RASAL1: variants seen among roughly 807,000 people sequenced by gnomAD.
RASAL1 encodes rasGAP-activating-like protein 1.
RASAL1 carries 72 observed loss-of-function variants against 96.6 expected under a neutral mutation model. The observed-to-expected ratio is 0.75, with a 90% confidence interval of 0.62 to 0.91. The LOEUF is 0.91. Among genes scored for constraint, RASAL1 ranks in the 40% least tolerant of loss-of-function variants. The pLI, the probability that RASAL1 is intolerant of heterozygous loss-of-function variation, is 0.00. For missense variants in RASAL1, 1,016 were observed against 1,072.5 expected, an observed-to-expected ratio of 0.95 and a Z score of 0.74; for synonymous variants, 405 against 430.4, an observed-to-expected ratio of 0.94 and a Z score of 0.73.
In RASAL1 at chr12:113,103,992, G is replaced by A. The variant is rs1402639419; in HGVS notation, c.2058C>T (p.Ala686=). The change falls in exon 18 of 21, where the codon GCC becomes GCT. Residue 686 remains alanine (A), a synonymous_variant. Transcript: ENST00000548055. ...PNKLAACHPG[A]FRSARWTCCL... Reference sequence around the variant, plus strand: ...AGCAGGTCCAGCGCGCGCTGCGGAAGGCACCGGGGTGGCAGGCGGCCAGCT... The same window carrying A: ...AGCAGGTCCAGCGCGCGCTGCGGAAAGCACCGGGGTGGCAGGCGGCCAGCT... 1 of 1,570,898 alleles carries A rather than the reference G, an allele frequency of 6.4e-7. No homozygotes were observed. Among genetic ancestry groups the A allele is most frequent in the South Asian group, 1.2e-5 (1 of 86,066 alleles).
intron 1 of RASAL1, among the ~76,000 whole-genome samples, chr12:113,132,991 C>T (rs1297774311): frequency 6.6e-6 from 1 of 152,158 alleles, no homozygotes; most frequent in Non-Finnish European, 1.5e-5. Flanking sequence ...AGTTTCCTTC[C>T]CTGGGTTCTC....
At position 113,104,293 on chromosome 12, in the gene RASAL1, A is replaced by G. The variant is rs12423570; in HGVS notation, c.1836T>C (p.Cys612=). 217,974 of 1,564,816 alleles carry G rather than the reference A, an allele frequency of 0.14. 16,623 individuals carry two copies. The highest frequency in any genetic ancestry group is 0.17 in the Middle Eastern group (993 of 6,008). Residue 612 remains cysteine, a synonymous_variant, in exon 17 of 21, where the codon TGT becomes TGC. Transcript: ENST00000548055. ...GGATGTGAGACACGGGGATGGAGTG[A>G]CACATCTGGGGAAGAGGATTGTCGC... The part of the protein sequence containing the change: ...SFSKSPEWQM[C]HSIPVSHIRA...
rs368169508 is a variant in RASAL1 at position 113,104,091 on chromosome 12, G to A, written c.1969-10C>T. 1.3e-6 allele frequency: 2 copies of A among 1,577,116 alleles called. No homozygotes were observed. Among genetic ancestry groups the A allele is most frequent in the African/African-American group, 2.7e-5 (2 of 74,402 alleles). On this transcript the variant is annotated splice_polypyrimidine_tract_variant and intron_variant, in intron 17 of 20. Transcript: ENST00000548055. ...TGAGCTCATTCACATTCTGCAGCGG[G>A]TGGGAGGCGATCAGGGGGCGGGTGG...
intron 1 of RASAL1, among the ~76,000 whole-genome samples, chr12:113,131,944 A>G (rs1292189470): frequency 7.0e-6 from 1 of 141,924 alleles, no homozygotes; most frequent in Admixed American, 7.0e-5. Flanking sequence ...ACCTAAAATC[A>G]TCTTCTTTCT....
intron 18 of RASAL1, chr12:113,103,034 C>A: frequency 3.3e-6 from 1 of 306,130 alleles, no homozygotes; most frequent in South Asian, 2.7e-5. Context: ...TCCTTGAGTC[C>A]CCATCCTGAG....
At chr12:113,133,186 G>C (rs576402323) in intron 1 of RASAL1, among the ~76,000 whole-genome samples, 6 of 152,304 alleles carry the variant, frequency 3.9e-5, no homozygotes, top group Admixed American at 2.6e-4. Context: ...GGGCTCTGAC[G>C]CATGAGGGCC....
At chr12:113,114,745 C>A in intron 12 of RASAL1, 55 bp downstream of exon 12, 1 of 1,482,284 alleles carries the variant, frequency 6.7e-7, no homozygotes, top group South Asian at 1.1e-5. Context: ...CCAGACAAGG[C>A]TCCGGGTAGC....
intron 19 of RASAL1, 22 bp downstream of exon 19, chr12:113,101,867 T>A (rs1950459191): frequency 1.9e-6 from 3 of 1,608,784 alleles, no homozygotes; most frequent in Non-Finnish European, 2.5e-6. Context: ...GGAGGTGAAG[T>A]GGGATGGGTG....
intron 16 of RASAL1, 28 bp from the exon 17 acceptor site, chr12:113,104,326 T>C (rs758923002): frequency 6.5e-7 from 1 of 1,531,942 alleles, no homozygotes; most frequent in Admixed American, 2.0e-5. Flanking sequence ...CGCTGCAGGA[T>C]GGGCTGGGGG....
At chr12:113,112,337 C>T (rs981694823) in intron 12 of RASAL1, 59 bp from the exon 13 acceptor site, 66 of 1,217,480 alleles carry the variant, frequency 5.4e-5, no homozygotes, top group Middle Eastern at 4.3e-4. Flanking sequence ...GCTCCAAACC[C>T]TCCACCGGCC....
intron 15 of RASAL1, among the ~76,000 whole-genome samples, chr12:113,106,843 T>C (rs1950664012): frequency 6.6e-6 from 1 of 152,188 alleles, no homozygotes; most frequent in South Asian, 2.1e-4. Flanking sequence ...TAGATGTTTG[T>C]CAATGGCATG....
chr12:113,113,681 G>A (rs1274589817), intron 12 of RASAL1, among the ~76,000 whole-genome samples: 3 of 152,194 alleles, frequency 2.0e-5, no homozygotes, highest in Non-Finnish European at 2.9e-5. Context: ...GTCAGAAGGT[G>A]TGGACAGCAC....
intron 19 of RASAL1, among the ~76,000 whole-genome samples, chr12:113,101,084 C>T (rs1025237766): frequency 1.3e-5 from 2 of 152,174 alleles, no homozygotes; most frequent in African/African-American, 2.4e-5. Context: ...CTCAGGACAA[C>T]CCACGAGGTC....
intron 8 of RASAL1, among the ~76,000 whole-genome samples, chr12:113,116,410 G>A (rs1951087404): frequency 1.3e-5 from 2 of 152,140 alleles, no homozygotes; most frequent in Admixed American, 6.5e-5. Flanking sequence ...TTATGGAAGA[G>A]CACAAGTGCG....
chr12:113,129,096 C>T lies in RASAL1; in HGVS notation c.123-918G>A, dbSNP rs1041588953. Among the ~76,000 whole-genome samples, 2 of 152,168 alleles carry T rather than the reference C, an allele frequency of 1.3e-5. No homozygotes were observed. Among genetic ancestry groups the T allele is most frequent in the Non-Finnish European group, 2.9e-5 (2 of 68,044 alleles). On this transcript the variant is annotated intron_variant, in intron 2 of 20. Coordinates refer to ENST00000548055, the MANE Select transcript of RASAL1 (RefSeq NM_001301202.2). The surrounding 1 kb of genome is among the most constrained non-coding windows in gnomAD (Gnocchi z 5.0). ...TGCTGGGCTCCAGGGATCAGAGGAA[C>T]AGGTGTCAGGGCTGCTTACCCCACA...
rs1431874914 is a variant in RASAL1 at position 113,114,887 on chromosome 12, T to C, written c.1094A>G (p.Glu365Gly). 1.2e-6 allele frequency: 2 copies of C among 1,614,006 alleles called. No homozygotes were observed. The highest frequency in any genetic ancestry group is 8.5e-7 in the Non-Finnish European group (1 of 1,179,980). Residue 365 changes from glutamate to glycine, a missense_variant, in exon 12 of 21, where the codon GAG becomes GGG. Physicochemically the swap from Glu to Gly is moderately conservative, Grantham distance 98 (BLOSUM62 -2). Transcript: ENST00000548055. ...MKLVGMPYLH[E>G]VLKPVISRVF... ...ACGGCTAATCACAGGCTTCAGGACCTCGTGCAGGTAGGGCATGCCCACGAG... is the reference window on the plus strand; with the variant it reads ...ACGGCTAATCACAGGCTTCAGGACCCCGTGCAGGTAGGGCATGCCCACGAG...
intron 13 of RASAL1, 88 bp from the exon 14 acceptor site, chr12:113,108,310 G>T (rs775491338): frequency 1.4e-6 from 2 of 1,453,760 alleles, no homozygotes; most frequent in African/African-American, 1.5e-5. Context: ...GAAATTCGTG[G>T]TGCAAAGAGA....
At position 113,119,172 on chromosome 12, in the gene RASAL1, G is replaced by T. The variant is rs2060677675; in HGVS notation, c.598C>A (p.Leu200Ile). 4 of 1,613,908 alleles carry T rather than the reference G, an allele frequency of 2.5e-6. No homozygotes were observed. Among genetic ancestry groups the T allele is most frequent in the Non-Finnish European group, 3.4e-6 (4 of 1,179,856 alleles). Residue 200 changes from leucine (L) to isoleucine (I), a missense_variant, in exon 7 of 21, where the codon CTC (leucine) becomes ATC (isoleucine). Transcript: ENST00000548055. ...PGAPSPLRVE[L>I]WDWDMVGKND... ...TTGCCCACCATGTCCCAGTCCCAGA[G>T]CTCCACCCGCAGTGGGGACGGGGCA...
chr12:113,115,304 G>A lies in RASAL1; in HGVS notation c.1004-40C>T, dbSNP rs1308479271. 1 of 1,552,004 alleles carries A rather than the reference G, an allele frequency of 6.4e-7. No individual in the cohort carries two copies. Among genetic ancestry groups the A allele is most frequent in the Non-Finnish European group, 8.9e-7 (1 of 1,123,744 alleles). ...GGAAGTGTTTGCTGGGATTTAGGGAGCTGAACCCAGCTCACCCCACTCACC... is the reference window on the plus strand; with the variant it reads ...GGAAGTGTTTGCTGGGATTTAGGGAACTGAACCCAGCTCACCCCACTCACC... On this transcript the variant is annotated intron_variant, in intron 10 of 20. Transcript: ENST00000548055. The surrounding 1 kb of genome is among the most constrained non-coding windows in gnomAD (Gnocchi z 4.1).
Sources: allele counts gnomAD v4.1 joint callset (sites outside exome capture counted in the v4.1 genomes callset), GRCh38; gene constraint gnomAD v4.1.1; non-coding constraint Gnocchi (gnomAD v3.1); transcripts MANE v1.5; gene names NCBI Gene and HGNC (gene_info 2026-07-23, HGNC 2026-07-21).